Variants in PECAM1 observed in about 807,000 individuals in gnomAD.
PECAM1 encodes platelet endothelial cell adhesion molecule.
PECAM1 carries 8 observed loss-of-function variants against 13.8 expected under a neutral mutation model. The observed-to-expected ratio is 0.58, with a 90% CI of 0.34 to 1.05. PECAM1 has a LOEUF of 1.05. PECAM1 is among the 50% of genes least tolerant of loss of function. The probability of loss-of-function intolerance (pLI) is 0.03; values close to 1 mark genes in which losing one functional copy is unlikely to be tolerated. For missense variants in PECAM1, 304 were observed against 141.2 expected, an observed-to-expected ratio of 2.15 and a Z score of -5.84; for synonymous variants, 136 against 52.6, an observed-to-expected ratio of 2.58 and a Z score of -6.86.
chr17:64,352,300 C>A, intron 11 of PECAM1, 90 bp downstream of exon 11: 1 of 431,426 alleles, frequency 2.3e-6, no homozygotes, highest in Non-Finnish European at 4.2e-6. Context: ...AACTGTAATC[C>A]CACCACTTAC....
intron 2 of PECAM1, chr17:64,378,793 C>T (rs1297623827): frequency 6.6e-6 from 1 of 152,210 alleles, no homozygotes; most frequent in Non-Finnish European, 1.5e-5. Context: ...GCTCAGTTTC[C>T]TTACCTGTAG....
At chr17:64,361,456 T>A (rs1259910950) in intron 6 of PECAM1, among the ~76,000 whole-genome samples, 2 of 151,766 alleles carry the variant, frequency 1.3e-5, no homozygotes, top group Non-Finnish European at 2.9e-5. Context: ...AATATATATG[T>A]TTTTAAATTA....
intron 14 of PECAM1, among the ~76,000 whole-genome samples, 174 bp downstream of exon 14, chr17:64,341,460 C>T (rs118201504): frequency 0.013 from 1,970 of 152,228 alleles, 65 homozygotes; most frequent in African/African-American, 0.045. Flanking sequence ...GTAAATGTGA[C>T]CCGAGGTGAC....
chr17:64,344,801 G>A (rs1207707834), intron 13 of PECAM1, among the ~76,000 whole-genome samples: 2 of 152,200 alleles, frequency 1.3e-5, no homozygotes, highest in East Asian at 3.9e-4. Flanking sequence ...GACGGGTCTA[G>A]AAAACTCAAA....
chr17:64,387,352 A>T (rs2036617823), intron 2 of PECAM1, among the ~76,000 whole-genome samples: 1 of 152,010 alleles, frequency 6.6e-6, no homozygotes, highest in African/African-American at 2.4e-5. Context: ...GTAGGCACAG[A>T]TTATAAACTA....
rs1263711403 is a variant in PECAM1, at chr17:64,319,512, G to C, written c.*4304C>G. The C allele has an allele frequency of 6.6e-6, 1 of 152,136 alleles. No homozygotes were observed. Among genetic ancestry groups the C allele is most frequent in the Non-Finnish European group, 1.5e-5 (1 of 68,012 alleles). 9.4% of individuals were successfully genotyped at this position (152,136 alleles called of 1,614,324 possible). On this transcript the variant is annotated 3_prime_UTR_variant, in exon 16 of 16. Transcript: ENST00000563924. ...CAGGCAGGCAACTTGAGAGATCTAA[G>C]TGCCCTGCCTGACCCTTAACTTGGG... is the stretch of plus-strand genomic sequence containing the variant.
At chr17:64,382,972 G>C (rs947009287) in intron 2 of PECAM1, among the ~76,000 whole-genome samples, 5 of 151,998 alleles carry the variant, frequency 3.3e-5, no homozygotes, top group Admixed American at 6.6e-5. Context: ...CCTGGGAGGT[G>C]GATATTGCAG....
At chr17:64,384,859 C>G (rs1486331382) in intron 2 of PECAM1, among the ~76,000 whole-genome samples, 4 of 152,194 alleles carry the variant, frequency 2.6e-5, no homozygotes, top group African/African-American at 4.8e-5. Flanking sequence ...ACCACGCAAC[C>G]AAACTTCAAA....
chr17:64,369,315 T>C (rs2036185698), intron 5 of PECAM1, among the ~76,000 whole-genome samples: 4 of 152,180 alleles, frequency 2.6e-5, no homozygotes, highest in Admixed American at 1.3e-4. Context: ...TCTAGCATAG[T>C]GCTTGTCACA....
At chr17:64,340,645 AGTTCCAGGTCT>A (rs1369882808) in intron 14 of PECAM1, among the ~76,000 whole-genome samples, 5 of 152,036 alleles carry the variant, frequency 3.3e-5, no homozygotes, top group African/African-American at 1.2e-4. Context: ...GAGCTCCCCC[AGTTCCAGGTCT>A]GCTTAAGCTC....
intron 5 of PECAM1, among the ~76,000 whole-genome samples, chr17:64,367,788 G>A (rs1024019120): frequency 3.9e-5 from 6 of 152,064 alleles, no homozygotes; most frequent in Non-Finnish European, 8.8e-5. Context: ...TACAGAAAAT[G>A]CTCAATATGT....
intron 2 of PECAM1, among the ~76,000 whole-genome samples, chr17:64,381,584 G>A (rs956808862): frequency 3.3e-5 from 5 of 152,076 alleles, no homozygotes; most frequent in Non-Finnish European, 7.3e-5. Flanking sequence ...TTTAAAACGA[G>A]TACTACAATT....
At chr17:64,386,222 T>C (rs2143913457) in intron 2 of PECAM1, among the ~76,000 whole-genome samples, 1 of 152,096 alleles carries the variant, frequency 6.6e-6, no homozygotes, top group Non-Finnish European at 1.5e-5. Context: ...CTGGCCAACA[T>C]GGCAAAACCT....
intron 15 of PECAM1, among the ~76,000 whole-genome samples, chr17:64,325,111 G>A (rs190570089): frequency 2.4e-4 from 36 of 152,362 alleles, no homozygotes; most frequent in Non-Finnish European, 4.4e-5. Flanking sequence ...TTTGCCGGGC[G>A]GGCGCAGTGG....
At chr17:64,384,156 A>G (rs1420978234) in intron 2 of PECAM1, among the ~76,000 whole-genome samples, 1 of 152,120 alleles carries the variant, frequency 6.6e-6, no homozygotes, top group Non-Finnish European at 1.5e-5. Flanking sequence ...TTAACAATAA[A>G]CGAACTCAAT....
Position 64,375,328 on chromosome 17 carries a change from G to A in PECAM1, c.414C>T (p.Asp138=), listed in dbSNP as rs1157285021. 1.1e-5 allele frequency: 5 copies of A among 473,650 alleles called. No homozygotes were observed. Among genetic ancestry groups the A allele is most frequent in the African/African-American group, 6.0e-5 (3 of 49,968 alleles). The allele number at this position is 473,650 out of a possible 1,614,324, so 29.3% of individuals were successfully genotyped here. Reference sequence around the variant, plus strand: ...TCCCACCTTGGATGGCCTCTTTCTTGTCCAGTGTCACCCTGGGACTGGGCA... The same window carrying A: ...TCCCACCTTGGATGGCCTCTTTCTTATCCAGTGTCACCCTGGGACTGGGCA... ...EGVPSPRVTL[D]KKEAIQGGIV... Residue 138 remains aspartate (D), a synonymous_variant, in exon 4 of 16, where the codon GAC becomes GAT. Coordinates refer to ENST00000563924, the MANE Select transcript of PECAM1 (RefSeq NM_000442.5).
rs371220523 is a variant in PECAM1 at position 64,330,738 on chromosome 17, A to C, written c.2165-1016T>G. ...AAAATGATATCTGGCCTCATTCTCC[A>C]AACCCTGTTGATACTTTTTTTTTTC... On this transcript the variant is annotated intron_variant, in intron 14 of 15. Coordinates refer to ENST00000563924, the MANE Select transcript of PECAM1 (RefSeq NM_000442.5). Among the ~76,000 whole-genome samples, 11 of 132,938 alleles carry C rather than the reference A, an allele frequency of 8.3e-5. No individual in the cohort carries two copies. The East Asian group carries it at 2.4e-3, about 29-fold the overall frequency. The allele number at this position is 132,938 out of a possible 152,430, so 87.2% of individuals were successfully genotyped here.
At chr17:64,352,543 G>C in intron 10 of PECAM1, 80 bp from the exon 11 acceptor site, 1 of 404,330 alleles carries the variant, frequency 2.5e-6, no homozygotes. Flanking sequence ...AACCACCAAA[G>C]TAAACAAGGG....
intron 4 of PECAM1, among the ~76,000 whole-genome samples, chr17:64,371,684 G>A (rs2036241657): frequency 6.6e-6 from 1 of 152,148 alleles, no homozygotes; most frequent in Non-Finnish European, 1.5e-5. Flanking sequence ...ACAAAAATTA[G>A]CTGGGCGTGG....
Sources: allele counts gnomAD v4.1 joint callset (sites outside exome capture counted in the v4.1 genomes callset), GRCh38; gene constraint gnomAD v4.1.1; transcripts MANE v1.5; gene names NCBI Gene and HGNC (gene_info 2026-07-23, HGNC 2026-07-21).